IARS1: variants seen among roughly 807,000 people sequenced by gnomAD.
IARS1 encodes the protein isoleucine--tRNA ligase, cytoplasmic.
A neutral mutation model predicts 168.2 loss-of-function variants in IARS1; 124 were observed. The observed-to-expected ratio is 0.74, with a 90% confidence interval of 0.64 to 0.86. The LOEUF (loss-of-function observed/expected upper bound fraction) is 0.86, where lower values mean the gene tolerates loss of function less well. Ranked by LOEUF, IARS1 falls within the 40% of genes least tolerant of loss-of-function variation. IARS1 has a pLI of 0.00. For missense variants in IARS1, 1,452 were observed against 1,515.8 expected, an observed-to-expected ratio of 0.96 and a Z score of 0.70; for synonymous variants, 532 against 529.4, an observed-to-expected ratio of 1.00 and a Z score of -0.07.
Position 92,242,283 on chromosome 9 carries a change from C to T in IARS1, c.3048G>A (p.Lys1016=), listed in dbSNP as rs763708022. The T allele has an allele frequency of 6.2e-7, 1 of 1,614,024 alleles. No homozygotes were observed. The highest frequency in any genetic ancestry group is 1.1e-5 in the South Asian group (1 of 91,082). The part of the protein sequence containing the change: ...TDEITVYYKA[K]SEGTYLNSVI... The stretch of plus-strand genomic sequence containing the variant: ...CACTATTCAGATATGTTCCTTCAGA[C>T]TTTGCTTTATAGTACACTGTGATTT... Residue 1016 remains lysine, a synonymous_variant, in exon 29 of 34, where the codon AAG becomes AAA. Transcript: ENST00000443024.
At chr9:92,236,011 C>A (rs560152621) in intron 30 of IARS1, among the ~76,000 whole-genome samples, 1 of 151,506 alleles carries the variant, frequency 6.6e-6, no homozygotes, top group Non-Finnish European at 1.5e-5. Flanking sequence ...GACAGAGTCT[C>A]GCTGTTGTCG....
At chr9:92,233,871 C>T (rs1217018458) in intron 30 of IARS1, among the ~76,000 whole-genome samples, 1 of 152,166 alleles carries the variant, frequency 6.6e-6, no homozygotes, top group Non-Finnish European at 1.5e-5. Context: ...AAGCAATCCT[C>T]CAACCTCAGC....
intron 22 of IARS1, 152 bp downstream of exon 22, chr9:92,251,656 T>A (rs1341286152): frequency 1.0e-5 from 6 of 591,974 alleles, no homozygotes; most frequent in Middle Eastern, 2.6e-4. Context: ...AGATTTCTGA[T>A]AAGGAACTAG....
intron 19 of IARS1, among the ~76,000 whole-genome samples, chr9:92,258,618 A>C (rs1831065977): frequency 6.6e-6 from 1 of 152,148 alleles, no homozygotes; most frequent in Non-Finnish European, 1.5e-5. Flanking sequence ...CTGGCGACTA[A>C]ACAACTATAT....
Position 92,282,862 on chromosome 9 carries a change from T to TATA in IARS1, c.598-1970_598-1969insTAT, listed in dbSNP as rs1564187774. Reference sequence around the variant, plus strand: ...CACATATATATATATATATATATATTTTTTTTTTTTGAGACAGAGTCTAAC... The same window carrying TATA: ...CACATATATATATATATATATATATTATATTTTTTTTTTGAGACAGAGTCTAAC... On this transcript the variant is annotated intron_variant, in intron 6 of 33. Coordinates refer to ENST00000443024, the MANE Select transcript of IARS1 (RefSeq NM_002161.6). 2.9e-3 allele frequency among the ~76,000 whole-genome samples: 372 copies of TATA among 126,258 alleles called. 3 individuals are homozygous for TATA. Among genetic ancestry groups the TATA allele is most frequent in the East Asian group, 2.0e-3 (9 of 4,450 alleles). 82.8% of individuals were successfully genotyped at this position (126,258 alleles called of 152,430 possible).
chr9:92,225,977 A>C (rs11793505), intron 31 of IARS1, among the ~76,000 whole-genome samples: 1 of 152,150 alleles, frequency 6.6e-6, no homozygotes, highest in Non-Finnish European at 1.5e-5. Flanking sequence ...GTGTACCAGC[A>C]GTTTCTTCTG....
intron 2 of IARS1, 51 bp downstream of exon 2, chr9:92,289,250 G>T: frequency 1.5e-6 from 1 of 683,898 alleles, no homozygotes. Context: ...ATGGAATTCA[G>T]TCTAAGAAAT....
At chr9:92,281,628 T>C (rs1054839083) in intron 6 of IARS1, among the ~76,000 whole-genome samples, 2 of 152,106 alleles carry the variant, frequency 1.3e-5, no homozygotes, top group African/African-American at 4.8e-5. Context: ...CAGACCCATA[T>C]AAATTCAGCT....
At chr9:92,264,252 T>C (rs1831952411) in intron 16 of IARS1, among the ~76,000 whole-genome samples, 1 of 151,544 alleles carries the variant, frequency 6.6e-6, no homozygotes. Flanking sequence ...GAAGAATTGC[T>C]TGAACCCAGG....
chr9:92,229,948 C>T (rs1222283556), intron 30 of IARS1, among the ~76,000 whole-genome samples: 1 of 152,126 alleles, frequency 6.6e-6, no homozygotes, highest in Admixed American at 6.5e-5. Flanking sequence ...CCTCGTGTTG[C>T]CTTTTAATAT....
At chr9:92,240,560 CTTTTT>C in intron 30 of IARS1, 1 of 588,060 alleles carries the variant, frequency 1.7e-6, no homozygotes. Context: ...ATGCCTGGCC[CTTTTT>C]TTTTTTTTAA....
chr9:92,239,851 G>A (rs1808600242), intron 30 of IARS1, among the ~76,000 whole-genome samples: 1 of 152,030 alleles, frequency 6.6e-6, no homozygotes, highest in Non-Finnish European at 1.5e-5. Context: ...GGTGGTGGTG[G>A]GGCCATAGTT....
At chr9:92,237,872 T>C (rs1387731435) in intron 30 of IARS1, among the ~76,000 whole-genome samples, 1 of 152,220 alleles carries the variant, frequency 6.6e-6, no homozygotes, top group East Asian at 1.9e-4. Context: ...TATACTTGGC[T>C]AATGTGTTTT....
intron 33 of IARS1, among the ~76,000 whole-genome samples, chr9:92,211,742 G>T (rs1348368049): frequency 1.3e-5 from 2 of 152,156 alleles, no homozygotes; most frequent in Non-Finnish European, 2.9e-5. Flanking sequence ...CAGATATGTG[G>T]TTTCAAAATA....
At chr9:92,268,446 A>C in intron 13 of IARS1, 146 bp from the exon 14 acceptor site, 1 of 757,596 alleles carries the variant, frequency 1.3e-6, no homozygotes, top group Non-Finnish European at 2.2e-6. Context: ...ATGTCTTCTA[A>C]ATGGACAGCA....
At chr9:92,253,815 A>G (rs1830352262) in intron 20 of IARS1, 1 of 493,542 alleles carries the variant, frequency 2.0e-6, no homozygotes. Flanking sequence ...AGCATCAACA[A>G]TGCCCAACTT....
At position 92,268,294 on chromosome 9, in the gene IARS1, T is replaced by C; in HGVS notation, c.1311A>G (p.Pro437=). 1 of 1,609,696 alleles carries C rather than the reference T, an allele frequency of 6.2e-7. No homozygotes were observed. The highest frequency in any genetic ancestry group is 8.5e-7 in the Non-Finnish European group (1 of 1,179,048). The part of the protein sequence containing the change: ...LRNNDLCYWV[P]ELVREKRFGN... ...CAAATCGTTTTTCTCGTACCAACTC[T>C]GGGACCCTGCAATAAACAGATCACA... is the stretch of plus-strand genomic sequence containing the variant. Residue 437 remains proline, a synonymous_variant, in exon 14 of 34, where the codon CCA becomes CCG. Coordinates refer to ENST00000443024, the MANE Select transcript of IARS1 (RefSeq NM_002161.6).
intron 14 of IARS1, among the ~76,000 whole-genome samples, chr9:92,266,748 C>T (rs1832338233): frequency 6.6e-6 from 1 of 152,194 alleles, no homozygotes; most frequent in Non-Finnish European, 1.5e-5. Flanking sequence ...CGTTTCTTCT[C>T]TTGCCATGTG....
intron 31 of IARS1, among the ~76,000 whole-genome samples, chr9:92,227,485 C>T (rs1009871081): frequency 1.3e-5 from 2 of 149,184 alleles, no homozygotes; most frequent in Admixed American, 6.6e-5. Context: ...GGCAGAGAGG[C>T]TCCTCACTTC....
Sources: gnomAD v4.1 joint callset for allele counts (sites outside exome capture counted in the v4.1 genomes callset) on GRCh38, gnomAD v4.1.1 for gene constraint, MANE v1.5 for transcripts, NCBI Gene and HGNC (gene_info 2026-07-23, HGNC 2026-07-21) for gene names.